The following FBXW7 variants were observed in gnomAD, a reference collection of about 807,000 sequenced individuals.
FBXW7 encodes the protein F-box and WD repeat domain containing 7.
FBXW7 carries 11 observed loss-of-function variants against 86.3 expected under a neutral mutation model. The observed-to-expected ratio is 0.13, with a 90% CI of 0.08 to 0.21. FBXW7 has a LOEUF of 0.21. FBXW7 is among the 10% of genes least tolerant of loss of function. The pLI is 1.00. For missense variants in FBXW7, 488 were observed against 847.4 expected (o/e 0.58, Z 5.27); for synonymous variants, 313 against 297.9 (o/e 1.05, Z -0.52).
chr4:152,371,618 T>G (rs1285617664), intron 4 of FBXW7, among the ~76,000 whole-genome samples: 1 of 152,002 alleles, frequency 6.6e-6, no homozygotes, highest in East Asian at 1.9e-4. Context: ...CCAAATGATT[T>G]AGAAATGAAA....
At chr4:152,463,022 T>C (rs140748407) in intron 2 of FBXW7, among the ~76,000 whole-genome samples, 2,070 of 151,930 alleles carry the variant, frequency 0.014, 25 homozygotes, top group Middle Eastern at 0.037. Context: ...GTGTGGTGGC[T>C]TATGCCTGTA....
intron 2 of FBXW7, among the ~76,000 whole-genome samples, chr4:152,443,359 T>C (rs1741080744): frequency 2.6e-5 from 4 of 152,232 alleles, no homozygotes; most frequent in Non-Finnish European, 4.4e-5. Context: ...AATTAAGCTA[T>C]TTCTTTAAAA....
intron 4 of FBXW7, among the ~76,000 whole-genome samples, chr4:152,359,549 A>C (rs1472603732): frequency 6.6e-6 from 1 of 152,042 alleles, no homozygotes; most frequent in Non-Finnish European, 1.5e-5. Flanking sequence ...TGATCACAGC[A>C]CTCTACTCCA....
At chr4:152,416,431 A>C (rs549331855) in intron 2 of FBXW7, among the ~76,000 whole-genome samples, 2 of 152,194 alleles carry the variant, frequency 1.3e-5, no homozygotes, top group Non-Finnish European at 2.9e-5. Context: ...CCTCTGTATC[A>C]AATTTCTTGT....
Position 152,477,782 on chromosome 4 carries a change from T to C in FBXW7, c.-120+57159A>G, listed in dbSNP as rs77167823. Reference sequence around the variant, plus strand: ...CACCTTTTCCAGTTTGGTTTATTTCTATAGGGCCAAAAGCAGAAAGTGTTT... The same window carrying C: ...CACCTTTTCCAGTTTGGTTTATTTCCATAGGGCCAAAAGCAGAAAGTGTTT... On this transcript the variant is annotated intron_variant, in intron 2 of 13. Transcript: ENST00000281708. Among the ~76,000 whole-genome samples the C allele has an allele frequency of 2.2e-3, 341 of 152,272 alleles. 1 individual carries two copies. Among genetic ancestry groups the C allele is most frequent in the Admixed American group, 0.016 (247 of 15,280 alleles).
At chr4:152,465,783 G>T (rs1387935625) in intron 2 of FBXW7, among the ~76,000 whole-genome samples, 1 of 150,324 alleles carries the variant, frequency 6.7e-6, no homozygotes, top group Non-Finnish European at 1.5e-5. Flanking sequence ...GGCAGAGGTT[G>T]CAGTGAGCCA....
intron 2 of FBXW7, among the ~76,000 whole-genome samples, chr4:152,416,465 AAAC>A (rs1468598818): frequency 6.6e-6 from 1 of 152,194 alleles, no homozygotes; most frequent in Non-Finnish European, 1.5e-5. Context: ...GGATGTAAAA[AAAC>A]AACTGTGACT....
intron 2 of FBXW7, among the ~76,000 whole-genome samples, chr4:152,483,475 G>A (rs902613499): frequency 2.0e-5 from 3 of 151,700 alleles, no homozygotes; most frequent in African/African-American, 7.3e-5. Context: ...AGGCTGAGGT[G>A]AAGGATCACT....
At chr4:152,409,186 G>A (rs1017874106) in intron 4 of FBXW7, among the ~76,000 whole-genome samples, 1 of 152,124 alleles carries the variant, frequency 6.6e-6, no homozygotes, top group African/African-American at 2.4e-5. Context: ...TTATGAGAAT[G>A]CCAAAAAATA....
chr4:152,413,723 C>T (rs1738183600), intron 2 of FBXW7, among the ~76,000 whole-genome samples: 1 of 152,100 alleles, frequency 6.6e-6, no homozygotes, highest in African/African-American at 2.4e-5. Context: ...GCTTCCTGTA[C>T]ATGTCAATTT....
intron 2 of FBXW7, among the ~76,000 whole-genome samples, chr4:152,527,445 G>T (rs73863130): frequency 6.6e-6 from 1 of 152,026 alleles, no homozygotes; most frequent in East Asian, 1.9e-4. Context: ...CCCCTAAAAA[G>T]CATGCAATCC....
chr4:152,487,088 T>G (rs1407311508), intron 2 of FBXW7, among the ~76,000 whole-genome samples: 1 of 152,070 alleles, frequency 6.6e-6, no homozygotes, highest in Non-Finnish European at 1.5e-5. Context: ...AGAAACTCCT[T>G]TACAGAAAGA....
At chr4:152,385,892 G>A (rs1029881273) in intron 4 of FBXW7, among the ~76,000 whole-genome samples, 4 of 151,976 alleles carry the variant, frequency 2.6e-5, no homozygotes, top group African/African-American at 9.7e-5. Context: ...TGGGCAAAGT[G>A]AGTACTAATT....
chr4:152,445,824 C>A (rs1741319080), intron 2 of FBXW7, among the ~76,000 whole-genome samples: 1 of 147,658 alleles, frequency 6.8e-6, no homozygotes. Context: ...GCAGGATAAT[C>A]ACTTGAACCT....
intron 2 of FBXW7, among the ~76,000 whole-genome samples, chr4:152,453,145 T>C (rs1213240540): frequency 1.3e-5 from 2 of 152,078 alleles, no homozygotes; most frequent in East Asian, 1.9e-4. Flanking sequence ...GATCGCACCA[T>C]TGCACTCCAG....
chr4:152,374,361 A>G (rs1734291716), intron 4 of FBXW7, among the ~76,000 whole-genome samples: 1 of 152,040 alleles, frequency 6.6e-6, no homozygotes, highest in African/African-American at 2.4e-5. Context: ...TTTCTTTTTC[A>G]TTTTCAAAAT....
intron 2 of FBXW7, among the ~76,000 whole-genome samples, chr4:152,506,426 C>T (rs923141604): frequency 1.6e-4 from 25 of 152,288 alleles, no homozygotes; most frequent in African/African-American, 5.5e-4. Context: ...CCACCGCGCC[C>T]GGCCATGTGC....
rs567005593 is a variant in FBXW7, at chr4:152,333,059, C to T, written c.862-340G>A. ...TAGTTGTTTAACTTTTTTCTCTATC[C>T]TACTACAATGTAAATTCACTGAAGA... On this transcript the variant is annotated intron_variant, in intron 7 of 13. Coordinates refer to ENST00000281708, the MANE Select transcript of FBXW7 (RefSeq NM_001349798.2). 1.3e-4 allele frequency among the ~76,000 whole-genome samples: 20 copies of T among 152,068 alleles called. No homozygotes were observed. The South Asian group carries it at 3.9e-3, about 30-fold the overall frequency.
At chr4:152,531,027 G>T (rs1749981678) in intron 2 of FBXW7, among the ~76,000 whole-genome samples, 2 of 152,160 alleles carry the variant, frequency 1.3e-5, no homozygotes, top group African/African-American at 4.8e-5. Context: ...ATGAGCCTAT[G>T]CATGGCCTTT....
Sources: gnomAD v4.1 joint callset for allele counts (sites outside exome capture counted in the v4.1 genomes callset) on GRCh38, gnomAD v4.1.1 for gene constraint, MANE v1.5 for transcripts, NCBI Gene and HGNC (gene_info 2026-07-23, HGNC 2026-07-21) for gene names.